KIF11: variants seen among roughly 807,000 people sequenced by gnomAD.
KIF11 encodes the protein kinesin-like protein KIF11.
In KIF11, 9 loss-of-function variants were observed where a neutral mutation model predicts 121.0. That is an observed-to-expected ratio of 0.07 (90% CI 0.04 to 0.13). The LOEUF is 0.13. Among genes scored for constraint, KIF11 ranks in the 10% least tolerant of loss-of-function variants. KIF11 has a pLI of 1.00. For missense variants in KIF11, 846 were observed against 1,217.5 expected (o/e 0.69, Z 4.54); for synonymous variants, 408 against 421.0 (o/e 0.97, Z 0.38).
intron 9 of KIF11, among the ~76,000 whole-genome samples, 155 bp from the exon 10 acceptor site, chr10:92,621,230 T>C (rs1349375784): frequency 1.3e-5 from 2 of 152,182 alleles, no homozygotes; most frequent in African/African-American, 2.4e-5. Context: ...AACAAATTAA[T>C]ATTGATTAAA....
chr10:92,637,649 C>A, intron 16 of KIF11, 104 bp downstream of exon 16: 1 of 1,095,012 alleles, frequency 9.1e-7, no homozygotes, highest in Non-Finnish European at 1.3e-6. Context: ...ACTGTAAAAG[C>A]TGAAACCTGA....
intron 8 of KIF11, among the ~76,000 whole-genome samples, chr10:92,616,239 C>G (rs1844556615): frequency 6.6e-6 from 1 of 150,770 alleles, no homozygotes; most frequent in East Asian, 1.9e-4. Context: ...AGACAAGGTC[C>G]CTCTCTGTTG....
At chr10:92,651,898 C>T (rs561403245) in intron 21 of KIF11, among the ~76,000 whole-genome samples, 8 of 146,690 alleles carry the variant, frequency 5.5e-5, no homozygotes, top group Non-Finnish European at 6.0e-5. Flanking sequence ...AATTTCCTTA[C>T]GTAGGACATT....
intron 9 of KIF11, among the ~76,000 whole-genome samples, chr10:92,620,022 T>C (rs1844600249): frequency 6.6e-6 from 1 of 151,674 alleles, no homozygotes; most frequent in African/African-American, 2.4e-5. Flanking sequence ...GCAAAACTAA[T>C]TCATAAGCAG....
intron 16 of KIF11, among the ~76,000 whole-genome samples, chr10:92,637,991 C>G (rs1844825100): frequency 6.6e-6 from 1 of 152,120 alleles, no homozygotes; most frequent in African/African-American, 2.4e-5. Context: ...TAAATCGATA[C>G]AACTTTTAAT....
At chr10:92,606,760 T>G in intron 3 of KIF11, 44 bp downstream of exon 3, 1 of 973,968 alleles carries the variant, frequency 1.0e-6, no homozygotes, top group Non-Finnish European at 1.6e-6. Context: ...AAAGCTTAAA[T>G]GCTTGTGTTT....
intron 9 of KIF11, among the ~76,000 whole-genome samples, chr10:92,617,561 A>G (rs1031085487): frequency 2.0e-5 from 3 of 152,136 alleles, no homozygotes; most frequent in African/African-American, 7.2e-5. Context: ...TGGGTTGTAT[A>G]GTAAGTTTAT....
chr10:92,623,191 CTT>C (rs1844636462), intron 10 of KIF11, among the ~76,000 whole-genome samples: 1 of 152,230 alleles, frequency 6.6e-6, no homozygotes, highest in Admixed American at 6.5e-5. Flanking sequence ...TCACAAGGAT[CTT>C]TCTTGCTAAT....
Position 92,633,782 on chromosome 10 carries a change from T to C in KIF11, c.1862T>C (p.Leu621Pro). 1.3e-6 allele frequency: 2 copies of C among 1,577,330 alleles called. No homozygotes were observed. Among genetic ancestry groups the C allele is most frequent in the Non-Finnish European group, 1.7e-6 (2 of 1,153,850 alleles). Residue 621 changes from leucine (L) to proline (P), a missense_variant, in exon 14 of 22, where the codon CTA becomes CCA. Around this residue, in one of 5 missense-constraint regions of KIF11, gnomAD observed 492 missense variants for 603.4 expected, o/e 0.82. Transcript: ENST00000260731. ...QSLAAESKTV[L>P]QELINVLKTD... is the part of the protein sequence containing the mutation. ...TTAGCAGCAGAAAGTAAAACTGTACTACAGGAATTGATTGTTAGTACATCC... is the reference window on the plus strand; with the variant it reads ...TTAGCAGCAGAAAGTAAAACTGTACCACAGGAATTGATTGTTAGTACATCC...
At position 92,653,597 on chromosome 10, in the gene KIF11, T is replaced by TA. The variant is rs1402788813; in HGVS notation, c.3040-67dup. 3 of 1,417,446 alleles carry TA rather than the reference T, an allele frequency of 2.1e-6. No homozygotes were observed. In the African/African-American group the frequency reaches 4.3e-5, roughly 20 times the overall value. 87.8% of individuals were successfully genotyped at this position (1,417,446 alleles called of 1,614,324 possible). ...CCTATAACCCAGAGAACTTTGAAAA[T>TA]AGAGTGTAGTTAATGTGTATCTAAT... On this transcript the variant is annotated intron_variant, in intron 21 of 21. Coordinates refer to ENST00000260731, the MANE Select transcript of KIF11 (RefSeq NM_004523.4).
intron 2 of KIF11, 99 bp downstream of exon 2, chr10:92,606,496 G>A: frequency 1.6e-6 from 2 of 1,221,604 alleles, no homozygotes; most frequent in Admixed American, 5.1e-5. Flanking sequence ...AATTTCAGTT[G>A]TCTCTGAATT....
chr10:92,615,990 C>A (rs1195009939), intron 8 of KIF11, among the ~76,000 whole-genome samples: 1 of 151,882 alleles, frequency 6.6e-6, no homozygotes. Context: ...CAGGCGCCAC[C>A]ACCATGCCTG....
At chr10:92,631,295 GAA>G (rs201439676) in intron 12 of KIF11, among the ~76,000 whole-genome samples, 18 of 97,496 alleles carry the variant, frequency 1.8e-4, no homozygotes, top group South Asian at 1.8e-3. Context: ...CTCTGTTTCA[GAA>G]AAAAAAAAAA....
At chr10:92,632,784 T>A in intron 13 of KIF11, 91 bp downstream of exon 13, 2 of 682,340 alleles carry the variant, frequency 2.9e-6, no homozygotes, top group South Asian at 4.7e-5. Context: ...GATGACGGTG[T>A]CACCAATACT....
Position 92,648,413 on chromosome 10 carries a change from C to A in KIF11, c.2749C>A (p.Leu917Met). The A allele has an allele frequency of 6.2e-7, 1 of 1,601,560 alleles. No homozygotes were observed. Among genetic ancestry groups the A allele is most frequent in the African/African-American group, 1.3e-5 (1 of 74,362 alleles). ...TKLNCFLEQD[L>M]KLDIPTGTTP... The stretch of plus-strand genomic sequence containing the variant: ...GCTTAATTGCTTTCTGGAACAGGAT[C>A]TGAAACTGGATATCCCAACAGGTAC... Residue 917 changes from leucine to methionine, a missense_variant, in exon 19 of 22, where the codon CTG (leucine) becomes ATG (methionine). By Grantham distance (15) the Leu-to-Met change is conservative. Coordinates refer to ENST00000260731, the MANE Select transcript of KIF11 (RefSeq NM_004523.4).
rs1461292098 is a variant in KIF11 at position 92,613,043 on chromosome 10, T to C, written c.702T>C (p.Arg234=). The change falls in exon 7 of 22, where the codon CGT becomes CGC. Residue 234 remains arginine (R), a synonymous_variant. Coordinates refer to ENST00000260731, the MANE Select transcript of KIF11 (RefSeq NM_004523.4). The surrounding 1 kb of genome is among the most constrained non-coding windows in gnomAD (Gnocchi z 4.2). ...GCAACTTGATATTGTTTTCTAGTCG[T>C]TCCCACTCAGTTTTCTCTGTTACAA... is the stretch of plus-strand genomic sequence containing the variant. ...AATLMNAYSS[R]SHSVFSVTIH... is the part of the protein sequence containing the mutation. 2.5e-6 allele frequency: 4 copies of C among 1,586,474 alleles called. No individual in the cohort carries two copies. Among genetic ancestry groups the C allele is most frequent in the African/African-American group, 2.7e-5 (2 of 74,220 alleles).
At chr10:92,593,790 CT>C (rs963879691) in intron 1 of KIF11, among the ~76,000 whole-genome samples, 6 of 152,272 alleles carry the variant, frequency 3.9e-5, no homozygotes, top group Admixed American at 2.6e-4. Flanking sequence ...TGGTTAAGCA[CT>C]TACGTTGGTA....
At chr10:92,596,772 C>T (rs970611211) in intron 1 of KIF11, 4 of 152,922 alleles carry the variant, frequency 2.6e-5, no homozygotes, top group African/African-American at 9.6e-5. Context: ...TTTTCAGATA[C>T]ATAAACGGCA....
Position 92,633,733 on chromosome 10 carries a change from A to G in KIF11, c.1813A>G (p.Asn605Asp). ...GTCTACTCATGTTTCTCAGATTTTTAATATGATACTAAAAGAACAATCATT... is the reference window on the plus strand; with the variant it reads ...GTCTACTCATGTTTCTCAGATTTTTGATATGATACTAAAAGAACAATCATT... ...NVSTHVSQIF[N>D]MILKEQSLAA... Residue 605 changes from asparagine to aspartate, a missense_variant, in exon 14 of 22, where the codon AAT (asparagine) becomes GAT (aspartate). Asn to Asp is a conservative substitution (Grantham distance 23). Coordinates refer to ENST00000260731, the MANE Select transcript of KIF11 (RefSeq NM_004523.4). 6.3e-7 allele frequency: 1 copy of G among 1,598,344 alleles called. No homozygotes were observed. The highest frequency in any genetic ancestry group is 8.6e-7 in the Non-Finnish European group (1 of 1,166,352).
Sources: allele counts gnomAD v4.1 joint callset (sites outside exome capture counted in the v4.1 genomes callset), GRCh38; gene constraint gnomAD v4.1.1; regional missense constraint gnomAD v4.1.1; non-coding constraint Gnocchi (gnomAD v3.1); transcripts MANE v1.5; gene names NCBI Gene and HGNC (gene_info 2026-07-23, HGNC 2026-07-21).